The following PPEF1 variants were observed in gnomAD, a reference collection of about 807,000 sequenced individuals.
The protein encoded by PPEF1 is protein phosphatase with EF-hand domain 1.
In PPEF1, 12 loss-of-function variants were observed where a neutral mutation model predicts 53.3. The ratio of observed to expected loss-of-function variants is 0.23; its 90% confidence interval spans 0.14 to 0.36. The LOEUF is 0.36. Among genes scored for constraint, PPEF1 ranks in the 10% least tolerant of loss-of-function variants. The pLI, the probability that PPEF1 is intolerant of heterozygous loss-of-function variation, is 1.00. For synonymous variants in PPEF1, 165 were observed against 176.7 expected (o/e 0.93, Z 0.52); for missense variants, 334 against 490.4 (o/e 0.68, Z 3.01).
At position 18,707,721 on chromosome X, in the gene PPEF1, C is replaced by T. The variant is rs1038259506; in HGVS notation, c.-60C>T. ...TCGCAGCTTAAAGGGAGGCACTTTT[C>T]ACACTCTGTCTTAAAATCAGAAGTT... On this transcript the variant is annotated 5_prime_UTR_variant, in exon 1 of 16. Coordinates refer to ENST00000470157, the MANE Select transcript of PPEF1 (RefSeq NM_001377996.1). 30 of 1,104,116 alleles carry T rather than the reference C, an allele frequency of 2.7e-5. No homozygotes were observed. Among genetic ancestry groups the T allele is most frequent in the Non-Finnish European group, 3.6e-5 (29 of 800,969 alleles). The allele number at this position is 1,104,116 out of a possible 1,213,427, so 91.0% of individuals were successfully genotyped here.
chrX:18,764,487 G>A (rs1001306024), intron 6 of PPEF1, among the ~76,000 whole-genome samples: 1 of 111,457 alleles, frequency 9.0e-6, no homozygotes, highest in South Asian at 3.8e-4. Context: ...GGAAGCCCAG[G>A]CCTATGGAGG....
intron 1 of PPEF1, among the ~76,000 whole-genome samples, chrX:18,718,301 G>A (rs1169246995): frequency 8.9e-6 from 1 of 111,769 alleles, no homozygotes; most frequent in Non-Finnish European, 1.9e-5. Context: ...GCCAGGTGTA[G>A]TAGCCATGTC....
intron 3 of PPEF1, among the ~76,000 whole-genome samples, chrX:18,736,038 T>C (rs757007097): frequency 3.8e-4 from 42 of 111,823 alleles, no homozygotes; most frequent in Middle Eastern, 4.6e-3. Flanking sequence ...GCTGAGACAA[T>C]GGGGTTTTCT....
chrX:18,777,229 A>G (rs1754055851), intron 6 of PPEF1, among the ~76,000 whole-genome samples: 1 of 112,240 alleles, frequency 8.9e-6, no homozygotes, highest in Admixed American at 9.4e-5. Context: ...TTTGTTTGAA[A>G]TTGCCTTCAG....
intron 1 of PPEF1, among the ~76,000 whole-genome samples, chrX:18,724,549 A>T (rs1044448147): frequency 1.8e-5 from 2 of 112,315 alleles, no homozygotes; most frequent in Non-Finnish European, 3.8e-5. Flanking sequence ...TATTGAATCT[A>T]TGCTGTTGCT....
At chrX:18,810,035 ATATGT>A (rs1366449243) in intron 12 of PPEF1, among the ~76,000 whole-genome samples, 2 of 109,530 alleles carry the variant, frequency 1.8e-5, no homozygotes, top group South Asian at 7.9e-4. Flanking sequence ...CCAGTTATAA[ATATGT>A]TATAGTTTTA....
intron 7 of PPEF1, among the ~76,000 whole-genome samples, chrX:18,780,961 CAGG>C (rs1913516732): frequency 9.3e-6 from 1 of 107,977 alleles, no homozygotes; most frequent in Non-Finnish European, 1.9e-5. Flanking sequence ...GAGGCTGAGG[CAGG>C]AGAATGGCGT....
At chrX:18,683,514 C>G (rs192250911) in intron 1 of PPEF1, among the ~76,000 whole-genome samples, 2 of 111,888 alleles carry the variant, frequency 1.8e-5, no homozygotes, top group East Asian at 2.8e-4. Context: ...GTACTATTAT[C>G]ATAGTTTGCA....
rs148482229 is a variant in PPEF1 at position 18,743,831 on chromosome X, T to G, written c.236-5961T>G. 2.8e-3 allele frequency among the ~76,000 whole-genome samples: 307 copies of G among 111,009 alleles called. 1 individual carries two copies. The highest frequency in any genetic ancestry group is 5.0e-3 in the Non-Finnish European group (263 of 52,985). ...TCCTGTTCAGGTTTTTTTGTCCATT[T>G]TTCTATTGGGTTATTTGTCTTTTTC... On this transcript the variant is annotated intron_variant, in intron 3 of 15. Transcript: ENST00000470157.
In PPEF1 at chrX:18,794,025, T is replaced by C. The variant is rs1438279251; in HGVS notation, c.1065+4752T>C. ...AAGCTTCGGACCCATCTGCCTCTAT[T>C]TGAAGCAGTCCCAGCTGTTAGCCTT... On this transcript the variant is annotated intron_variant, in intron 10 of 15. Transcript: ENST00000470157. Among the ~76,000 whole-genome samples the C allele has an allele frequency of 8.0e-5, 9 of 112,301 alleles. No homozygotes were observed. In the South Asian group the frequency reaches 1.9e-3, roughly 23 times the overall value.
upstream of PPEF1, among the ~76,000 whole-genome samples, chrX:18,678,259 C>A (rs927253537): frequency 2.0e-4 from 22 of 109,533 alleles, no homozygotes; most frequent in African/African-American, 7.0e-4. Flanking sequence ...GGCAAAACCC[C>A]ATCTCTATAA....
chrX:18,816,603 T>A (rs945443390), intron 12 of PPEF1, among the ~76,000 whole-genome samples: 2 of 111,664 alleles, frequency 1.8e-5, no homozygotes, highest in Non-Finnish European at 3.8e-5. Context: ...TCCACCTAGT[T>A]GTTTCATCCA....
At chrX:18,801,749 G>A (rs1016159991) in intron 10 of PPEF1, among the ~76,000 whole-genome samples, 4 of 110,829 alleles carry the variant, frequency 3.6e-5, no homozygotes, top group African/African-American at 9.9e-5. Context: ...TTGGGAGGCC[G>A]AGGTGGGTCG....
At chrX:18,722,239 G>A (rs1418476377) in intron 1 of PPEF1, among the ~76,000 whole-genome samples, 1 of 112,593 alleles carries the variant, frequency 8.9e-6, no homozygotes, top group East Asian at 2.8e-4. Context: ...AACAGCTGAG[G>A]TTATAGATGC....
At chrX:18,681,012 A>G (rs1406340782), upstream of PPEF1, among the ~76,000 whole-genome samples, 2 of 111,094 alleles carry the variant, frequency 1.8e-5, no homozygotes, top group Non-Finnish European at 3.8e-5. Flanking sequence ...AATCCAGTCT[A>G]TCGTTGTTGG....
At chrX:18,702,099 T>G (rs191565181) in intron 6 of PPEF1, among the ~76,000 whole-genome samples, 1 of 112,115 alleles carries the variant, frequency 8.9e-6, no homozygotes, top group East Asian at 2.8e-4. Context: ...GGGAACTCTC[T>G]GGCACGGGCT....
rs548577483 is a variant in PPEF1 at position 18,751,870 on chromosome X, G to A, written c.396+1918G>A. 3.1e-4 allele frequency among the ~76,000 whole-genome samples: 35 copies of A among 112,691 alleles called. No individual in the cohort carries two copies. In the South Asian group the frequency reaches 0.012, roughly 38 times the overall value. On this transcript the variant is annotated intron_variant, in intron 4 of 15. Coordinates refer to ENST00000470157, the MANE Select transcript of PPEF1 (RefSeq NM_001377996.1). ...CTATTCTATTGGTCTATGTGTCTGT[G>A]CCAGTACCACACTGTCTTGATTGCT...
At chrX:18,799,200 TCCAG>T (rs200400259) in intron 10 of PPEF1, among the ~76,000 whole-genome samples, 4,306 of 103,792 alleles carry the variant, frequency 0.041, 244 homozygotes, top group African/African-American at 0.15. Context: ...ACCACTGCAC[TCCAG>T]CCTGGGCGAC....
chrX:18,706,895 C>T (rs1330981589), upstream of PPEF1, among the ~76,000 whole-genome samples: 1 of 80,315 alleles, frequency 1.2e-5, no homozygotes, highest in African/African-American at 5.0e-5. Context: ...GTGGTGCGAT[C>T]TCAGCTCACT....
Sources: allele counts gnomAD v4.1 joint callset (sites outside exome capture counted in the v4.1 genomes callset), GRCh38; gene constraint gnomAD v4.1.1; transcripts MANE v1.5; gene names NCBI Gene and HGNC (gene_info 2026-07-23, HGNC 2026-07-21).